Variants in DAB2IP observed in about 807,000 individuals in gnomAD.
DAB2IP encodes DAB2 interacting protein.
Under a neutral mutation model 107.2 loss-of-function variants are expected in DAB2IP, and 28 were observed. That is an observed-to-expected ratio of 0.26 (90% confidence interval 0.19 to 0.36). DAB2IP has a LOEUF of 0.36. Ranked by LOEUF, DAB2IP falls within the 10% of genes least tolerant of loss-of-function variation. The pLI is 1.00. For synonymous variants in DAB2IP, 755 were observed against 706.4 expected (o/e 1.07, Z -1.09); for missense variants, 1,400 against 1,644.7 (o/e 0.85, Z 2.57).
chr9:121,684,518 G>C lies in DAB2IP; in HGVS notation c.228+5737G>C, dbSNP rs1828761251. On this transcript the variant is annotated intron_variant, in intron 2 of 15. Transcript: ENST00000408936. This position sits in a 1 kb window ranked among gnomAD's most constrained non-coding sequence, Gnocchi z 4.0. ...CAACTGCCCTCGGAGCCCCACGACA[G>C]CTCCTTCCCGCTCATCTGCACACTG... 6.6e-6 allele frequency among the ~76,000 whole-genome samples: 1 copy of C among 152,200 alleles called. No individual in the cohort carries two copies. The highest frequency in any genetic ancestry group is 1.5e-5 in the Non-Finnish European group (1 of 68,038).
rs781004122 is a variant in DAB2IP, at chr9:121,685,139, C to T, written c.228+6358C>T. On this transcript the variant is annotated intron_variant, in intron 2 of 15. Transcript: ENST00000408936. ...GTGGAAGAGCAAACCCTGCCCCCTC[C>T]GCCCCCTCCACCCTCACTCCCTCCA... is the stretch of plus-strand genomic sequence containing the variant. Among the ~76,000 whole-genome samples, 12 of 152,346 alleles carry T rather than the reference C, an allele frequency of 7.9e-5. 1 individual carries two copies. Among genetic ancestry groups the T allele is most frequent in the Middle Eastern group, 3.4e-3 (1 of 294 alleles).
intron 3 of DAB2IP, among the ~76,000 whole-genome samples, chr9:121,724,733 C>T (rs1350849904): frequency 6.6e-6 from 1 of 152,172 alleles, no homozygotes; most frequent in Non-Finnish European, 1.5e-5. Flanking sequence ...GATTGACTAG[C>T]CCAATGTCAT....
rs113283646 is a variant in DAB2IP at position 121,601,052 on chromosome 9, C to T, written c.40+33824C>T. 4.9e-3 allele frequency among the ~76,000 whole-genome samples: 740 copies of T among 152,322 alleles called. 8 individuals are homozygous for T. Among genetic ancestry groups the T allele is most frequent in the African/African-American group, 0.017 (688 of 41,556 alleles). ...GCACAGATGCACACACCCACAATTT[C>T]AGTGGGTTTGTAGGCTCAGGTTTAA... On this transcript the variant is annotated intron_variant, in intron 1 of 16. Coordinates refer to the DAB2IP transcript ENST00000259371.
chr9:121,645,286 G>C (rs1832497416), intron 1 of DAB2IP, among the ~76,000 whole-genome samples: 1 of 152,232 alleles, frequency 6.6e-6, no homozygotes, highest in South Asian at 2.1e-4. Flanking sequence ...CGGCTGCTAG[G>C]GTTGGGGTGA....
At chr9:121,674,623 A>G (rs1226239632) in intron 1 of DAB2IP, among the ~76,000 whole-genome samples, 1 of 152,138 alleles carries the variant, frequency 6.6e-6, no homozygotes, top group Non-Finnish European at 1.5e-5. Context: ...TTGTTGAGGG[A>G]TCACACACAC....
intron 1 of DAB2IP, among the ~76,000 whole-genome samples, chr9:121,627,070 A>G (rs1280033869): frequency 6.6e-6 from 1 of 151,956 alleles, no homozygotes; most frequent in African/African-American, 2.4e-5. Context: ...TTAAAAATAA[A>G]ATCAAATATT....
intron 2 of DAB2IP, among the ~76,000 whole-genome samples, chr9:121,696,861 C>T (rs914864256): frequency 6.6e-5 from 10 of 152,162 alleles, no homozygotes; most frequent in African/African-American, 1.9e-4. Context: ...GGTGGGTCAA[C>T]GGGAACACTC....
chr9:121,666,288 G>A lies in DAB2IP; in HGVS notation c.125-12390G>A, dbSNP rs149876403. Reference sequence around the variant, plus strand: ...TAATCCAAGATAATCTCCTCATCTCGACATCCTTAAATTAATCACATCTGC... The same window carrying A: ...TAATCCAAGATAATCTCCTCATCTCAACATCCTTAAATTAATCACATCTGC... On this transcript the variant is annotated intron_variant, in intron 1 of 15. Transcript: ENST00000408936. 3.1e-3 allele frequency among the ~76,000 whole-genome samples: 467 copies of A among 152,192 alleles called. 3 individuals are homozygous for A. Among genetic ancestry groups the A allele is most frequent in the East Asian group, 0.018 (93 of 5,174 alleles).
At chr9:121,775,997 G>A (rs572366861) in intron 13 of DAB2IP, among the ~76,000 whole-genome samples, 1 of 152,326 alleles carries the variant, frequency 6.6e-6, no homozygotes, top group Admixed American at 6.5e-5. Flanking sequence ...GAGGCCCCAC[G>A]GTGGGGCACA....
intron 1 of DAB2IP, among the ~76,000 whole-genome samples, chr9:121,586,348 G>A (rs908244326): frequency 1.3e-5 from 2 of 152,202 alleles, no homozygotes; most frequent in Non-Finnish European, 2.9e-5. Context: ...CTTCTCTATA[G>A]CGTTGCAGTT....
At chr9:121,646,552 A>G (rs1444533565) in intron 1 of DAB2IP, among the ~76,000 whole-genome samples, 1 of 128,166 alleles carries the variant, frequency 7.8e-6, no homozygotes, top group Non-Finnish European at 1.6e-5. Context: ...CCAGAGACTG[A>G]AAGGTTGAGA....
chr9:121,641,939 C>CTT (rs1832320959), intron 1 of DAB2IP, among the ~76,000 whole-genome samples: 8 of 58,108 alleles, frequency 1.4e-4, no homozygotes, highest in Admixed American at 6.3e-4. Flanking sequence ...CTTTCTTTCT[C>CTT]TCTTTCTTTC....
At chr9:121,783,715 CGGCCCCCGGCCAA>C in exon 16 of DAB2IP, 1 of 915,418 alleles carries the variant, frequency 1.1e-6, no homozygotes, top group Admixed American at 2.0e-5. Flanking sequence ...TCACCCTTCC[CGGCCCCCGGCCAA>C]GGACCCAGGC....
intron 13 of DAB2IP, among the ~76,000 whole-genome samples, chr9:121,774,856 C>G (rs544057167): frequency 1.3e-5 from 2 of 152,236 alleles, no homozygotes; most frequent in African/African-American, 4.8e-5. Flanking sequence ...CCCAGCCTGG[C>G]CCCCAAGGCT....
chr9:121,752,487 C>T (rs1833191214), intron 3 of DAB2IP, among the ~76,000 whole-genome samples: 1 of 152,230 alleles, frequency 6.6e-6, no homozygotes, highest in African/African-American at 2.4e-5. Flanking sequence ...CAGACCTTCC[C>T]AGCACAGCCT....
In DAB2IP at chr9:121,698,896, G is replaced by T. The variant is rs1163228182; in HGVS notation, c.229-429G>T. On this transcript the variant is annotated intron_variant, in intron 2 of 15. Coordinates refer to ENST00000408936, the Ensembl canonical transcript of DAB2IP. The surrounding 1 kb of genome is among the most constrained non-coding windows in gnomAD (Gnocchi z 4.1). ...TGTGGGGGGTGTGACCTCGCACGGG[G>T]AGGACAAGCTCGGAGGCGGCAGGGA... Among the ~76,000 whole-genome samples the T allele has an allele frequency of 6.6e-6, 1 of 152,112 alleles. No homozygotes were observed. The highest frequency in any genetic ancestry group is 1.5e-5 in the Non-Finnish European group (1 of 67,990).
intron 3 of DAB2IP, among the ~76,000 whole-genome samples, chr9:121,735,656 C>G (rs1025340202): frequency 2.6e-5 from 4 of 152,146 alleles, no homozygotes; most frequent in Admixed American, 1.3e-4. Context: ...CTGGCCTCAG[C>G]TGGATTAGCA....
intron 3 of DAB2IP, among the ~76,000 whole-genome samples, chr9:121,715,820 G>A (rs548427527): frequency 7.4e-4 from 112 of 152,360 alleles, no homozygotes; most frequent in African/African-American, 2.6e-3. Context: ...GTTGTCTGCA[G>A]AGGTGGGTGG....
rs773761300 is a variant in DAB2IP, at chr9:121,760,040, C to T, written c.771C>T (p.Gly257=). 6.2e-6 allele frequency: 10 copies of T among 1,613,984 alleles called. No homozygotes were observed. The highest frequency in any genetic ancestry group is 3.3e-5 in the Admixed American group (2 of 60,006). Reference sequence around the variant, plus strand: ...TCAAGACGGACAATGTTTTCTGGGGCGAGCACTTCGAGTTCCACAACTTGC... The same window carrying T: ...TCAAGACGGACAATGTTTTCTGGGGTGAGCACTTCGAGTTCCACAACTTGC... Residue 257 remains glycine, a synonymous_variant, in exon 6 of 16, where the codon GGC becomes GGT. Transcript: ENST00000408936. The surrounding 1 kb of genome is among the most constrained non-coding windows in gnomAD (Gnocchi z 5.9).
Sources: gnomAD v4.1 joint callset for allele counts (sites outside exome capture counted in the v4.1 genomes callset) on GRCh38, gnomAD v4.1.1 for gene constraint, Gnocchi (gnomAD v3.1) non-coding constraint, MANE v1.5 for transcripts, NCBI Gene and HGNC (gene_info 2026-07-23, HGNC 2026-07-21) for gene names.